KIAA0232: variants seen among roughly 807,000 people sequenced by gnomAD.
KIAA0232 encodes KIAA0232.
Under a neutral mutation model 122.0 loss-of-function variants are expected in KIAA0232, and 27 were observed. The ratio of observed to expected loss-of-function variants is 0.22; its 90% confidence interval spans 0.16 to 0.31. The LOEUF (loss-of-function observed/expected upper bound fraction) is 0.31. Ranked by LOEUF, KIAA0232 falls within the 10% of genes least tolerant of loss-of-function variation. The pLI is 1.00. For synonymous variants in KIAA0232, 613 were observed against 587.6 expected, an observed-to-expected ratio of 1.04 and a Z score of -0.63; for missense variants, 1,551 against 1,634.2, an observed-to-expected ratio of 0.95 and a Z score of 0.88.
intron 1 of KIAA0232, among the ~76,000 whole-genome samples, chr4:6,783,899 C>A (rs1189484070): frequency 2.0e-5 from 3 of 152,202 alleles, no homozygotes; most frequent in African/African-American, 7.2e-5. Flanking sequence ...CTCTCTGCTT[C>A]TTCCCGCTGG....
chr4:6,836,409 C>T (rs1258886484), intron 3 of KIAA0232, among the ~76,000 whole-genome samples: 1 of 149,718 alleles, frequency 6.7e-6, no homozygotes, highest in African/African-American at 2.5e-5. Context: ...GGCTTTGAGT[C>T]CTAACACTTT....
At chr4:6,849,613 C>G (rs984139724) in intron 4 of KIAA0232, among the ~76,000 whole-genome samples, 3 of 152,036 alleles carry the variant, frequency 2.0e-5, no homozygotes, top group African/African-American at 4.8e-5. Flanking sequence ...AAGACTCCAT[C>G]TCAAACAAAG....
At chr4:6,878,425 A>G (rs1330329940) in intron 9 of KIAA0232, among the ~76,000 whole-genome samples, 1 of 151,968 alleles carries the variant, frequency 6.6e-6, no homozygotes, top group Non-Finnish European at 1.5e-5. Context: ...AAATATATAC[A>G]TACATAAATC....
intron 7 of KIAA0232, among the ~76,000 whole-genome samples, chr4:6,866,721 T>C (rs888626082): frequency 2.0e-5 from 3 of 152,166 alleles, no homozygotes. Context: ...GAAAATAATA[T>C]GATTATTTTC....
At chr4:6,802,634 G>A (rs1717435233) in intron 1 of KIAA0232, among the ~76,000 whole-genome samples, 1 of 148,892 alleles carries the variant, frequency 6.7e-6, no homozygotes, top group Non-Finnish European at 1.5e-5. Context: ...CTTTTCTTCT[G>A]ATGGAAGTTG....
At chr4:6,838,876 C>G in intron 3 of KIAA0232, among the ~76,000 whole-genome samples, 1 of 152,052 alleles carries the variant, frequency 6.6e-6, no homozygotes, top group East Asian at 1.9e-4. Context: ...CGCCTGTAAT[C>G]CTAGCACTCT....
intron 1 of KIAA0232, among the ~76,000 whole-genome samples, chr4:6,794,083 G>A (rs1488016790): frequency 1.3e-5 from 2 of 152,214 alleles, no homozygotes; most frequent in African/African-American, 2.4e-5. Flanking sequence ...TAAGGGTAAG[G>A]CGAGAGGAAG....
chr4:6,782,934 G>A (rs562020060), intron 1 of KIAA0232, 93 bp downstream of exon 1: 1 of 151,310 alleles, frequency 6.6e-6, no homozygotes, highest in Non-Finnish European at 1.5e-5. Context: ...GCCGCCGTGG[G>A]GCTCCGGGGC....
At chr4:6,827,080 G>A (rs188248632) in intron 3 of KIAA0232, among the ~76,000 whole-genome samples, 9 of 152,294 alleles carry the variant, frequency 5.9e-5, no homozygotes, top group African/African-American at 1.9e-4. Context: ...AGGAGAATCC[G>A]TAGGGAAATA....
intron 1 of KIAA0232, among the ~76,000 whole-genome samples, chr4:6,795,110 G>T (rs775130581): frequency 1.3e-5 from 2 of 151,432 alleles, no homozygotes; most frequent in African/African-American, 4.9e-5. Context: ...TCACTCTGTC[G>T]CCCAGGCTGG....
chr4:6,804,969 C>T (rs747901964), intron 2 of KIAA0232, among the ~76,000 whole-genome samples: 10 of 152,098 alleles, frequency 6.6e-5, no homozygotes, highest in African/African-American at 1.4e-4. Flanking sequence ...TTGGAGGTTC[C>T]GGGTGCATAT....
At chr4:6,853,419 T>G (rs1399275962) in intron 4 of KIAA0232, among the ~76,000 whole-genome samples, 1 of 152,214 alleles carries the variant, frequency 6.6e-6, no homozygotes, top group Non-Finnish European at 1.5e-5. Flanking sequence ...GTGTCCATAA[T>G]ACTAGCACCC....
chr4:6,831,989 T>C (rs1719010918), intron 3 of KIAA0232, among the ~76,000 whole-genome samples: 1 of 152,244 alleles, frequency 6.6e-6, no homozygotes, highest in Admixed American at 6.5e-5. Context: ...CTCACTGTCT[T>C]CTCAATGCCT....
chr4:6,843,696 G>A (rs1719785458), intron 4 of KIAA0232, among the ~76,000 whole-genome samples: 1 of 151,970 alleles, frequency 6.6e-6, no homozygotes, highest in African/African-American at 2.4e-5. Flanking sequence ...CTTGAACCTG[G>A]GAGGCAGAGG....
chr4:6,822,656 C>T (rs1370900401), intron 2 of KIAA0232, among the ~76,000 whole-genome samples: 1 of 151,792 alleles, frequency 6.6e-6, no homozygotes, highest in Non-Finnish European at 1.5e-5. Context: ...TGTTAGATTA[C>T]TTTCACATAT....
chr4:6,842,191 C>G lies in KIAA0232; in HGVS notation c.356C>G (p.Ser119Cys), dbSNP rs1414758208. 2.5e-6 allele frequency: 4 copies of G among 1,600,800 alleles called. No homozygotes were observed. Among genetic ancestry groups the G allele is most frequent in the East Asian group, 2.3e-5 (1 of 43,624 alleles). ...KKQAAVQCLR[S>C]ASDESSGIET... ...CAGGCTGCTGTCCAGTGTCTTCGAT[C>G]TGCTTCTGATGAAGTAAGTTTACAT... is the stretch of plus-strand genomic sequence containing the variant. Residue 119 changes from serine to cysteine, a missense_variant, in exon 4 of 10, where the codon TCT (serine) becomes TGT (cysteine). Physicochemically the swap from Ser to Cys is moderately radical, Grantham distance 112. This residue lies in a region of KIAA0232 where 377 missense variants were observed against 381.7 expected (regional missense o/e 0.99). Transcript: ENST00000307659.
rs759897230 is a variant in KIAA0232, at chr4:6,863,241, C to G, written c.2859C>G (p.His953Gln). The G allele has an allele frequency of 5.0e-6, 8 of 1,613,898 alleles. No homozygotes were observed. Among genetic ancestry groups the G allele is most frequent in the Non-Finnish European group, 6.8e-6 (8 of 1,180,024 alleles). Residue 953 changes from histidine (H) to glutamine (Q), a missense_variant, in exon 7 of 10, where the codon CAC (histidine) becomes CAG (glutamine). By Grantham distance (24) the His-to-Gln change is conservative. Coordinates refer to ENST00000307659, the MANE Select transcript of KIAA0232 (RefSeq NM_014743.3). ...AGTGGGCAGTCGTACCACCTAGTCA[C>G]ACAAAAGGAAGTCTGTTACAGTGTG... The part of the protein sequence containing the change: ...DGEWAVVPPS[H>Q]TKGSLLQCAA...
chr4:6,822,056 A>G (rs1249337990), intron 2 of KIAA0232, among the ~76,000 whole-genome samples: 1 of 152,068 alleles, frequency 6.6e-6, no homozygotes, highest in African/African-American at 2.4e-5. Context: ...ATTTTATTAT[A>G]GTGTTCTAGG....
rs140301111 is a variant in KIAA0232, at chr4:6,835,165, C to A, written c.232-6902C>A. 3.2e-3 allele frequency among the ~76,000 whole-genome samples: 489 copies of A among 152,258 alleles called. 1 individual carries two copies. The highest frequency in any genetic ancestry group is 0.011 in the African/African-American group (462 of 41,562). On this transcript the variant is annotated intron_variant, in intron 3 of 9. Transcript: ENST00000307659. ...CTGGGATTGTTGACCAGAGCCTCTT[C>A]ATGTGGGTCAGGAAGTAGCTAGGCT...
Sources: gnomAD v4.1 joint callset for allele counts (sites outside exome capture counted in the v4.1 genomes callset) on GRCh38, gnomAD v4.1.1 for gene constraint, gnomAD v4.1.1 regional missense constraint, MANE v1.5 for transcripts, NCBI Gene and HGNC (gene_info 2026-07-23, HGNC 2026-07-21) for gene names.